NPEPPS: variants seen among roughly 807,000 people sequenced by gnomAD.
The protein encoded by NPEPPS is puromycin-sensitive aminopeptidase.
In NPEPPS, 14 loss-of-function variants were observed where a neutral mutation model predicts 115.5. That is an observed-to-expected ratio of 0.12 (90% CI 0.08 to 0.19). The LOEUF is 0.19. Ranked by LOEUF, NPEPPS falls within the 10% of genes least tolerant of loss-of-function variation. The pLI is 1.00. For synonymous variants in NPEPPS, 285 were observed against 390.6 expected, an observed-to-expected ratio of 0.73 and a Z score of 3.19; for missense variants, 523 against 1,110.8, an observed-to-expected ratio of 0.47 and a Z score of 7.52.
intron 18 of NPEPPS, 151 bp from the exon 19 acceptor site, chr17:47,613,518 C>A: frequency 1.7e-6 from 1 of 581,416 alleles, no homozygotes; most frequent in Non-Finnish European, 3.0e-6. Context: ...CCGCCTGCCT[C>A]GGCCTCCCAA....
chr17:47,571,589 G>A (rs1597850136), intron 3 of NPEPPS, among the ~76,000 whole-genome samples: 4 of 152,148 alleles, frequency 2.6e-5, no homozygotes, highest in African/African-American at 9.6e-5. Context: ...ATGGTGGCAG[G>A]TGCCTGTAGT....
intron 2 of NPEPPS, among the ~76,000 whole-genome samples, chr17:47,556,842 C>G (rs1260224258): frequency 6.6e-6 from 1 of 152,198 alleles, no homozygotes; most frequent in African/African-American, 2.4e-5. Context: ...TGGGGTTTCC[C>G]CACGTTGGCC....
At chr17:47,601,860 C>G in intron 15 of NPEPPS, 113 bp downstream of exon 15, 1 of 1,102,096 alleles carries the variant, frequency 9.1e-7, no homozygotes, top group African/African-American at 1.6e-5. Flanking sequence ...CTAAACTTTT[C>G]TTTGTGAAAC....
chr17:47,583,297 G>A (rs371092298), intron 5 of NPEPPS, among the ~76,000 whole-genome samples: 1 of 152,058 alleles, frequency 6.6e-6, no homozygotes, highest in East Asian at 1.9e-4. Flanking sequence ...AAAGCAAAAG[G>A]TCTTGGGCTG....
intron 14 of NPEPPS, 73 bp from the exon 15 acceptor site, chr17:47,601,535 C>A: frequency 1.3e-6 from 2 of 1,559,020 alleles, no homozygotes; most frequent in South Asian, 2.3e-5. Flanking sequence ...CTGGTTAGAA[C>A]ACCACCACTC....
At chr17:47,620,086 C>T in intron 22 of NPEPPS, 1 of 224,286 alleles carries the variant, frequency 4.5e-6, no homozygotes, top group Non-Finnish European at 8.9e-6. Flanking sequence ...TGGTGGTGCA[C>T]GCCTCTAATC....
chr17:47,570,556 A>C (rs907709784), intron 3 of NPEPPS, among the ~76,000 whole-genome samples: 54 of 152,236 alleles, frequency 3.5e-4, no homozygotes, highest in African/African-American at 1.3e-3. Context: ...AGGGCACAGA[A>C]AGAAAGATAG....
intron 1 of NPEPPS, among the ~76,000 whole-genome samples, chr17:47,532,627 C>T (rs1037411877): frequency 5.4e-5 from 8 of 146,890 alleles, no homozygotes; most frequent in African/African-American, 2.0e-4. Context: ...TTCCTGCATT[C>T]CAGCCTGGGC....
chr17:47,607,193 A>G (rs1913570099), intron 17 of NPEPPS, among the ~76,000 whole-genome samples: 1 of 151,996 alleles, frequency 6.6e-6, no homozygotes, highest in Non-Finnish European at 1.5e-5. Context: ...CTCCATCTCA[A>G]AAAAAAAGAA....
intron 1 of NPEPPS, among the ~76,000 whole-genome samples, chr17:47,539,096 A>G (rs1393221683): frequency 1.1e-4 from 15 of 142,220 alleles, no homozygotes; most frequent in Middle Eastern, 3.8e-3. Flanking sequence ...CTTTTCATCT[A>G]GGCCTTTTTT....
intron 2 of NPEPPS, among the ~76,000 whole-genome samples, chr17:47,549,122 A>AT (rs1460552877): frequency 1.3e-5 from 2 of 151,156 alleles, no homozygotes; most frequent in African/African-American, 4.8e-5. Flanking sequence ...TGGCGGGTGG[A>AT]TCATGACGTC....
chr17:47,573,507 G>A (rs1179647264), intron 3 of NPEPPS, among the ~76,000 whole-genome samples: 2 of 152,208 alleles, frequency 1.3e-5, no homozygotes, highest in Non-Finnish European at 2.9e-5. Flanking sequence ...TGGAGTGGGG[G>A]ATGGATTAGC....
chr17:47,532,532 T>C (rs568580060), intron 1 of NPEPPS, among the ~76,000 whole-genome samples: 1 of 151,930 alleles, frequency 6.6e-6, no homozygotes, highest in African/African-American at 2.4e-5. Flanking sequence ...CGGGCCCCTG[T>C]AATCTCAGCT....
At chr17:47,576,593 T>C (rs966838049) in intron 3 of NPEPPS, among the ~76,000 whole-genome samples, 7 of 152,208 alleles carry the variant, frequency 4.6e-5, no homozygotes, top group African/African-American at 1.7e-4. Context: ...GCTCATTAAA[T>C]TTATTATTAT....
chr17:47,608,616 A>C (rs969451174), intron 17 of NPEPPS, among the ~76,000 whole-genome samples: 1 of 152,214 alleles, frequency 6.6e-6, no homozygotes, highest in Non-Finnish European at 1.5e-5. Flanking sequence ...TTTAAAAAAC[A>C]AAACAAAACT....
intron 14 of NPEPPS, among the ~76,000 whole-genome samples, chr17:47,599,969 C>G (rs1371207148): frequency 3.9e-5 from 6 of 152,100 alleles, no homozygotes; most frequent in Admixed American, 2.6e-4. Context: ...CAGGAACATG[C>G]CACCATGCTC....
At chr17:47,556,963 C>A (rs547607598) in intron 2 of NPEPPS, among the ~76,000 whole-genome samples, 5 of 152,114 alleles carry the variant, frequency 3.3e-5, no homozygotes, top group Non-Finnish European at 7.4e-5. Context: ...TTTCTTGATC[C>A]CAGATCTTTT....
In NPEPPS at chr17:47,595,981, CAAAAA is replaced by C. The variant is rs34457526; in HGVS notation, c.1427-351_1427-347del. 36 of 38,646 alleles carry C rather than the reference CAAAAA, an allele frequency of 9.3e-4. No individual in the cohort carries two copies. In the East Asian group the frequency reaches 0.017, roughly 18 times the overall value. 2.4% of individuals were successfully genotyped at this position (38,646 alleles called of 1,614,324 possible). The stretch of plus-strand genomic sequence containing the variant: ...TGGGCAACAGAGCAAGACTCCATCT[CAAAAA>C]AAAAAAAAAAAAAAAAAAAAGCCAG... On this transcript the variant is annotated intron_variant, in intron 12 of 22. Transcript: ENST00000322157.
At chr17:47,597,840 G>T (rs183706035) in intron 13 of NPEPPS, among the ~76,000 whole-genome samples, 6 of 152,180 alleles carry the variant, frequency 3.9e-5, no homozygotes, top group African/African-American at 4.8e-5. Context: ...TACCCTTTCA[G>T]AGCCAAATCT....
Sources: gnomAD v4.1 joint callset for allele counts (sites outside exome capture counted in the v4.1 genomes callset) on GRCh38, gnomAD v4.1.1 for gene constraint, MANE v1.5 for transcripts, NCBI Gene and HGNC (gene_info 2026-07-23, HGNC 2026-07-21) for gene names.